The following FRY variants were observed in gnomAD, a reference collection of about 807,000 sequenced individuals.
The protein encoded by FRY is FRY microtubule binding protein.
In FRY, 128 loss-of-function variants were observed where a neutral mutation model predicts 348.4. The ratio of observed to expected loss-of-function variants is 0.37; its 90% CI spans 0.32 to 0.43. The LOEUF (loss-of-function observed/expected upper bound fraction) is 0.43, where lower values mean the gene tolerates loss of function less well. FRY is among the 20% of genes least tolerant of loss of function. The probability of loss-of-function intolerance (pLI) is 1.00; values close to 1 mark genes in which losing one functional copy is unlikely to be tolerated. For missense variants in FRY, 2,736 were observed against 3,695.2 expected, an observed-to-expected ratio of 0.74 and a Z score of 6.73; for synonymous variants, 1,370 against 1,374.7, an observed-to-expected ratio of 1.00 and a Z score of 0.08.
chr13:32,083,446 T>C (rs1875630743), intron 2 of FRY, among the ~76,000 whole-genome samples: 1 of 152,238 alleles, frequency 6.6e-6, no homozygotes, highest in South Asian at 2.1e-4. Context: ...TTGTTGTGCC[T>C]GCTAATTCTT....
intron 3 of FRY, among the ~76,000 whole-genome samples, chr13:32,103,850 C>T (rs1877346626): frequency 6.6e-6 from 1 of 151,894 alleles, no homozygotes; most frequent in Admixed American, 6.6e-5. Context: ...GTCTGTGGTC[C>T]CAGCTATTCA....
At chr13:32,191,699 G>T (rs1883347797) in intron 28 of FRY, among the ~76,000 whole-genome samples, 1 of 152,046 alleles carries the variant, frequency 6.6e-6, no homozygotes, top group Non-Finnish European at 1.5e-5. Flanking sequence ...CTTTTTCCTG[G>T]TTCACAGGCA....
chr13:32,145,948 C>T (rs1880416886), intron 11 of FRY, among the ~76,000 whole-genome samples: 2 of 152,190 alleles, frequency 1.3e-5, no homozygotes, highest in South Asian at 4.1e-4. Flanking sequence ...TCTCTGATCT[C>T]ATTGGCTGCC....
At chr13:32,252,879 G>GT (rs1315617323) in intron 50 of FRY, among the ~76,000 whole-genome samples, 6 of 152,070 alleles carry the variant, frequency 3.9e-5, no homozygotes, top group African/African-American at 1.4e-4. Flanking sequence ...TGATCAGTGG[G>GT]TTTTCTGCGG....
At chr13:32,129,812 A>G (rs1033296663) in intron 7 of FRY, among the ~76,000 whole-genome samples, 11 of 152,342 alleles carry the variant, frequency 7.2e-5, no homozygotes, top group Admixed American at 2.0e-4. Flanking sequence ...TATAAAATGG[A>G]CACCATGTTA....
chr13:32,282,328 G>A (rs1318057181), intron 58 of FRY, among the ~76,000 whole-genome samples: 1 of 152,098 alleles, frequency 6.6e-6, no homozygotes, highest in African/African-American at 2.4e-5. Flanking sequence ...AGGTAGAATG[G>A]GGATAAGTGA....
chr13:32,169,191 A>C (rs560188203), intron 17 of FRY, among the ~76,000 whole-genome samples: 1 of 151,998 alleles, frequency 6.6e-6, no homozygotes, highest in Non-Finnish European at 1.5e-5. Flanking sequence ...GGCCCTCACC[A>C]CTTGTTGCTT....
chr13:32,117,934 G>C lies in FRY; in HGVS notation c.464+461G>C, dbSNP rs551965037. Among the ~76,000 whole-genome samples, 199 of 152,266 alleles carry C rather than the reference G, an allele frequency of 1.3e-3. 1 individual carries two copies. Among genetic ancestry groups the C allele is most frequent in the Non-Finnish European group, 2.4e-4 (16 of 68,014 alleles). ...TGCCACTATTTAGCCATGTGACTTT[G>C]GGCAGCTCCCCGCCTCTCTGTACCT... On this transcript the variant is annotated intron_variant, in intron 4 of 60. Coordinates refer to ENST00000542859, the MANE Select transcript of FRY (RefSeq NM_023037.3).
In FRY at chr13:32,278,710, G is replaced by C; in HGVS notation, c.8469+162G>C. ...AGTAAGACAGAATGCCTTCCAGCATGACTGTGTGTTGATGGGATTTGTGGG... is the reference window on the plus strand; with the variant it reads ...AGTAAGACAGAATGCCTTCCAGCATCACTGTGTGTTGATGGGATTTGTGGG... On this transcript the variant is annotated intron_variant, in intron 58 of 60. Coordinates refer to ENST00000542859, the MANE Select transcript of FRY (RefSeq NM_023037.3). 8.1e-6 allele frequency: 6 copies of C among 739,168 alleles called. No individual in the cohort carries two copies. In the South Asian group the frequency reaches 8.2e-5, roughly 10 times the overall value. 45.8% of individuals were successfully genotyped at this position (739,168 alleles called of 1,614,324 possible).
Position 32,173,378 on chromosome 13 carries a change from TGGCTCCAGTCACAGAATTCAGTC to T in FRY, c.2166_2188del (p.Ser723ThrfsTer48). ...TTATTGCATAACAGCTCATCGCAAA[TGGCTCCAGTCACAGAATTCAGTC>T]GGAACGAGGTCCCCACTGCAGTGTA... On this transcript the variant is annotated frameshift_variant, in exon 19 of 61. Coordinates refer to ENST00000542859, the MANE Select transcript of FRY (RefSeq NM_023037.3). LOFTEE classifies it high-confidence loss of function. 1 of 1,611,586 alleles carries T rather than the reference TGGCTCCAGTCACAGAATTCAGTC, an allele frequency of 6.2e-7. No homozygotes were observed.
chr13:32,202,328 A>G, intron 30 of FRY, 28 bp from the exon 31 acceptor site: 1 of 1,570,574 alleles, frequency 6.4e-7, no homozygotes, highest in East Asian at 2.2e-5. Flanking sequence ...TTTTCATACT[A>G]CTTTTTTACT....
At position 32,187,543 on chromosome 13, in the gene FRY, C is replaced by T. The variant is rs1308231509; in HGVS notation, c.3481-3C>T. 6.4e-7 allele frequency: 1 copy of T among 1,566,054 alleles called. No individual in the cohort carries two copies. Among genetic ancestry groups the T allele is most frequent in the South Asian group, 1.1e-5 (1 of 90,150 alleles). On this transcript the variant is annotated splice_polypyrimidine_tract_variant and splice_region_variant and intron_variant, in intron 27 of 60. Transcript: ENST00000542859. ...CCATGTCTTGTTGTGTTTTTATCAT[C>T]AGGCAATGTCAGCAGTACTGTGCTG... is the stretch of plus-strand genomic sequence containing the variant.
chr13:32,094,366 A>G (rs747505512), intron 2 of FRY, among the ~76,000 whole-genome samples: 50 of 152,200 alleles, frequency 3.3e-4, no homozygotes, highest in African/African-American at 1.2e-3. Context: ...CAGACAGTTC[A>G]GTTACGCTCT....
chr13:32,268,536 A>ATATATATATATATCTATC, intron 55 of FRY, among the ~76,000 whole-genome samples: 1 of 134,644 alleles, frequency 7.4e-6, no homozygotes, highest in South Asian at 2.4e-4. Context: ...ATATATATAT[A>ATATATATATATATCTATC]TATCTAGATT....
intron 51 of FRY, among the ~76,000 whole-genome samples, chr13:32,260,514 A>G (rs748230326): frequency 1.2e-4 from 19 of 152,354 alleles, no homozygotes; most frequent in Non-Finnish European, 2.4e-4. Context: ...ATGCAACTAA[A>G]AGCTTTCTTT....
chr13:32,275,729 C>T (rs879422202), intron 56 of FRY, among the ~76,000 whole-genome samples: 48 of 152,176 alleles, frequency 3.2e-4, no homozygotes, highest in African/African-American at 1.0e-3. Flanking sequence ...AGAGTTATTG[C>T]CCTCTGGATT....
chr13:32,244,332 T>C lies in FRY; in HGVS notation c.6828+150T>C, dbSNP rs950815803. 47 of 740,544 alleles carry C rather than the reference T, an allele frequency of 6.3e-5. No homozygotes were observed. In the African/African-American group the frequency reaches 7.3e-4, roughly 12 times the overall value. The allele number at this position is 740,544 out of a possible 1,614,324, so 45.9% of individuals were successfully genotyped here. ...CAGCCAGGGCAGTTAAGAGTGGGAGTTGGCCACACCCTGAGTAGTATTCTG... is the reference window on the plus strand; with the variant it reads ...CAGCCAGGGCAGTTAAGAGTGGGAGCTGGCCACACCCTGAGTAGTATTCTG... On this transcript the variant is annotated intron_variant, in intron 47 of 60. Transcript: ENST00000542859.
chr13:32,095,007 C>A (rs1404684956), intron 2 of FRY, among the ~76,000 whole-genome samples: 3 of 152,180 alleles, frequency 2.0e-5, no homozygotes. Context: ...TGCTTGCCAG[C>A]ATTTGTTGTT....
At chr13:32,094,514 C>G (rs962600241) in intron 2 of FRY, among the ~76,000 whole-genome samples, 1 of 152,106 alleles carries the variant, frequency 6.6e-6, no homozygotes, top group Non-Finnish European at 1.5e-5. Context: ...ACTAACCCCC[C>G]ACTATCCTTC....
Sources: gnomAD v4.1 joint callset for allele counts (sites outside exome capture counted in the v4.1 genomes callset) on GRCh38, gnomAD v4.1.1 for gene constraint, MANE v1.5 for transcripts, NCBI Gene and HGNC (gene_info 2026-07-23, HGNC 2026-07-21) for gene names.